Variants in FER1L5 observed in about 807,000 individuals in gnomAD.
FER1L5 encodes the protein fer-1 like family member 5.
Under a neutral mutation model 279.9 loss-of-function variants are expected in FER1L5, and 187 were observed. The ratio of observed to expected loss-of-function variants is 0.67; its 90% CI spans 0.59 to 0.75. The LOEUF is 0.75. FER1L5 is among the 30% of genes least tolerant of loss of function. The pLI is 0.00. For missense variants in FER1L5, 2,091 were observed against 2,594.4 expected (o/e 0.81, Z 4.21); for synonymous variants, 921 against 989.7 (o/e 0.93, Z 1.30).
rs886247389 is a variant in FER1L5, at chr2:96,678,972, A to G, written c.1670-5355A>G. ...CAACATTTTTAATTTGATAAAATCCAATTTATTTTTTCTTTTATGGTGTTA... is the reference window on the plus strand; with the variant it reads ...CAACATTTTTAATTTGATAAAATCCGATTTATTTTTTCTTTTATGGTGTTA... On this transcript the variant is annotated intron_variant, in intron 19 of 52. Transcript: ENST00000624922. Among the ~76,000 whole-genome samples the G allele has an allele frequency of 3.3e-5, 5 of 152,220 alleles. No homozygotes were observed. The South Asian group carries it at 8.3e-4, about 25-fold the overall frequency.
chr2:96,648,735 G>T (rs1041224550), intron 4 of FER1L5, among the ~76,000 whole-genome samples: 1 of 152,176 alleles, frequency 6.6e-6, no homozygotes, highest in East Asian at 1.9e-4. Flanking sequence ...TGGTTCCCTG[G>T]GCTGGTTGCT....
At chr2:96,661,849 C>G in intron 12 of FER1L5, 58 bp downstream of exon 12, 2 of 1,545,248 alleles carry the variant, frequency 1.3e-6, no homozygotes, top group Non-Finnish European at 1.7e-6. Context: ...CGGTGATACC[C>G]TGGATCCTCA....
chr2:96,670,342 C>A, intron 18 of FER1L5, 95 bp downstream of exon 18: 1 of 1,462,886 alleles, frequency 6.8e-7, no homozygotes, highest in Non-Finnish European at 9.2e-7. Context: ...TAGAGAGGCC[C>A]TGGCCACTGG....
intron 20 of FER1L5, 82 bp from the exon 21 acceptor site, chr2:96,685,247 T>C (rs2076877214): frequency 4.8e-6 from 6 of 1,239,494 alleles, no homozygotes; most frequent in African/African-American, 1.5e-5. Flanking sequence ...TGAAAACATC[T>C]TGGGCCAATC....
intron 32 of FER1L5, 22 bp from the exon 33 acceptor site, chr2:96,693,888 CT>C (rs1339019309): frequency 2.5e-5 from 39 of 1,530,946 alleles, no homozygotes; most frequent in Non-Finnish European, 3.3e-5. Context: ...GGCCTCCATG[CT>C]TTGTGAACTT....
At chr2:96,677,592 A>C (rs1356363653) in intron 19 of FER1L5, among the ~76,000 whole-genome samples, 1 of 152,028 alleles carries the variant, frequency 6.6e-6, no homozygotes, top group East Asian at 1.9e-4. Context: ...CTGCCCGGGC[A>C]CGGTGGCTCA....
At chr2:96,684,202 A>G in intron 19 of FER1L5, 125 bp from the exon 20 acceptor site, 9 of 1,295,298 alleles carry the variant, frequency 6.9e-6, no homozygotes, top group Middle Eastern at 1.9e-4. Flanking sequence ...TCCAGTCAGC[A>G]TTGTTAGCAG....
chr2:96,698,654 C>T lies in FER1L5; in HGVS notation c.4357-17C>T, dbSNP rs748315673. The stretch of plus-strand genomic sequence containing the variant: ...CAGCACTGCCAGGCTGGGCCCCCAA[C>T]ACCCTCCCCCCGCCAGGGCCTTTTC... On this transcript the variant is annotated splice_polypyrimidine_tract_variant and intron_variant, in intron 40 of 52. Transcript: ENST00000624922. The surrounding 1 kb of genome is among the most constrained non-coding windows in gnomAD (Gnocchi z 5.5). 6.4e-7 allele frequency: 1 copy of T among 1,571,518 alleles called. No individual in the cohort carries two copies. The highest frequency in any genetic ancestry group is 1.8e-5 in the Admixed American group (1 of 54,716).
intron 9 of FER1L5, chr2:96,654,734 C>T: frequency 4.2e-6 from 1 of 240,664 alleles, no homozygotes; most frequent in Non-Finnish European, 7.9e-6. Context: ...CCTGTCTCTA[C>T]TAGAAATACA....
intron 43 of FER1L5, 52 bp from the exon 44 acceptor site, chr2:96,699,880 G>C (rs2077527587): frequency 5.0e-6 from 8 of 1,605,348 alleles, no homozygotes; most frequent in Non-Finnish European, 6.0e-6. Flanking sequence ...GCTCACAGCA[G>C]TGTTCTTCAG....
At chr2:96,695,253 C>T (rs958912607) in intron 34 of FER1L5, 3 of 471,168 alleles carry the variant, frequency 6.4e-6, no homozygotes, top group South Asian at 3.4e-5. Context: ...GTGGAGGATG[C>T]AGCCAGTGGC....
At chr2:96,645,622 T>C (rs1395634769) in intron 1 of FER1L5, among the ~76,000 whole-genome samples, 1 of 152,002 alleles carries the variant, frequency 6.6e-6, no homozygotes, top group Non-Finnish European at 1.5e-5. Context: ...ACCCTGTCTC[T>C]ACAAAAAATA....
chr2:96,674,292 G>A (rs1469664777), intron 19 of FER1L5, among the ~76,000 whole-genome samples: 2 of 152,078 alleles, frequency 1.3e-5, no homozygotes, highest in African/African-American at 2.4e-5. Flanking sequence ...GTGCGATCTC[G>A]GCTCACTGCA....
intron 1 of FER1L5, among the ~76,000 whole-genome samples, chr2:96,645,186 CT>C (rs963633982): frequency 1.3e-5 from 2 of 152,128 alleles, no homozygotes; most frequent in Non-Finnish European, 2.9e-5. Context: ...TAAATAAACC[CT>C]TAATTTTCAG....
At chr2:96,668,627 G>T in intron 14 of FER1L5, 124 bp from the exon 15 acceptor site, 1 of 1,093,676 alleles carries the variant, frequency 9.1e-7, no homozygotes, top group Non-Finnish European at 1.3e-6. Context: ...TGATGAAGTG[G>T]CTCACTGGTA....
rs998814851 is a variant in FER1L5 at position 96,649,690 on chromosome 2, C to T, written c.394+13C>T. Reference sequence around the variant, plus strand: ...ATTGAGAAGACAGGTATGTCCTTCCCTGGAGCTTACCCTTAAGGGCCTACC... The same window carrying T: ...ATTGAGAAGACAGGTATGTCCTTCCTTGGAGCTTACCCTTAAGGGCCTACC... On this transcript the variant is annotated intron_variant, in intron 5 of 52. Transcript: ENST00000624922. The T allele has an allele frequency of 1.1e-5, 17 of 1,551,310 alleles. No homozygotes were observed. The highest frequency in any genetic ancestry group is 1.5e-5 in the Non-Finnish European group (17 of 1,146,880).
At position 96,685,338 on chromosome 2, in the gene FER1L5, C is replaced by G; in HGVS notation, c.1804C>G (p.Leu602Val). The G allele has an allele frequency of 6.4e-7, 1 of 1,551,356 alleles. No homozygotes were observed. Among genetic ancestry groups the G allele is most frequent in the Non-Finnish European group, 8.7e-7 (1 of 1,146,858 alleles). The change falls in exon 21 of 53, where the codon CTG (leucine) becomes GTG (valine). Residue 602 changes from leucine to valine, a missense_variant. By Grantham distance (32) the Leu-to-Val change is conservative (BLOSUM62 1). Transcript: ENST00000624922. ...HFTRDRLKAN[L>V]DTLKSTRNPK... ...CTCTCCTGCTGGGCAGAAAGCCAAC[C>G]TGGACACCCTGAAATCCACGCGGAA...
At chr2:96,673,816 CCAATAACCTGGGGAAGAGGCCCCA>C (rs1206524830) in intron 19 of FER1L5, among the ~76,000 whole-genome samples, 2 of 152,180 alleles carry the variant, frequency 1.3e-5, no homozygotes, top group Middle Eastern at 3.2e-3. Context: ...CCTAGAGAAT[CCAATAACCTGGGGAAGAGGCCCCA>C]CAGTCTGTGT....
intron 9 of FER1L5, among the ~76,000 whole-genome samples, chr2:96,659,355 TTCCTTCC>T (rs200562094): frequency 0.015 from 1,090 of 73,576 alleles, 80 homozygotes; most frequent in South Asian, 0.06. Context: ...CCTTCCTTCC[TTCCTTCC>T]TTCTTTCTTT....
Sources: allele counts gnomAD v4.1 joint callset (sites outside exome capture counted in the v4.1 genomes callset), GRCh38; gene constraint gnomAD v4.1.1; non-coding constraint Gnocchi (gnomAD v3.1); transcripts MANE v1.5; gene names NCBI Gene and HGNC (gene_info 2026-07-23, HGNC 2026-07-21).